ATOSA: variants seen among roughly 807,000 people sequenced by gnomAD.
The protein encoded by ATOSA is atos homolog protein A.
the ATOSA span, among the ~76,000 whole-genome samples, chr15:52,595,237 T>A: frequency 1.3e-5 from 2 of 152,222 alleles, no homozygotes; most frequent in African/African-American, 4.8e-5. Context: ...AGTTTATAAA[T>A]TATTTACTCA....
chr15:52,661,931 C>CAAAAAAAAAAAAAAAAAAA, the ATOSA span, among the ~76,000 whole-genome samples: 1 of 73,258 alleles, frequency 1.4e-5, no homozygotes, highest in Non-Finnish European at 2.3e-5. Flanking sequence ...CAAGCCAGGC[C>CAAAAAAAAAAAAAAAAAAA]AAAAAAAAAA....
chr15:52,696,164 G>C, the ATOSA span, among the ~76,000 whole-genome samples: 3 of 152,126 alleles, frequency 2.0e-5, no homozygotes, highest in Non-Finnish European at 2.9e-5. Flanking sequence ...ACTAATGGTA[G>C]GCTATTCCTG....
At chr15:52,609,949 C>A in the ATOSA span, 1 of 1,612,220 alleles carries the variant, frequency 6.2e-7, no homozygotes, top group Non-Finnish European at 8.5e-7. Context: ...ATCACCTATA[C>A]CACTAAAGCC....
At chr15:52,611,284 T>A in the ATOSA span, 53 of 1,606,264 alleles carry the variant, frequency 3.3e-5, no homozygotes, top group Non-Finnish European at 3.8e-5. Flanking sequence ...ATAATTTAAA[T>A]GTAGGCAAGT....
the ATOSA span, among the ~76,000 whole-genome samples, chr15:52,638,076 T>C: frequency 5.9e-5 from 9 of 152,220 alleles, no homozygotes; most frequent in Non-Finnish European, 8.8e-5. Context: ...CACCACTAAG[T>C]ATATTAGGTA....
At chr15:52,697,769 C>T in the ATOSA span, among the ~76,000 whole-genome samples, 35 of 151,262 alleles carry the variant, frequency 2.3e-4, no homozygotes, top group Non-Finnish European at 4.3e-4. Flanking sequence ...AAAAATTGGG[C>T]AAAGACTTGA....
At chr15:52,699,326 A>G in the ATOSA span, among the ~76,000 whole-genome samples, 1 of 152,032 alleles carries the variant, frequency 6.6e-6, no homozygotes, top group Non-Finnish European at 1.5e-5. Flanking sequence ...AATGTCCTTG[A>G]GGGAGAATAT....
the ATOSA span, among the ~76,000 whole-genome samples, chr15:52,698,415 G>T: frequency 6.6e-6 from 1 of 152,170 alleles, no homozygotes; most frequent in African/African-American, 2.4e-5. Context: ...ATACTTAAAA[G>T]AAATTAGTGC....
the ATOSA span, chr15:52,605,039 TA>T: frequency 1.2e-6 from 1 of 842,212 alleles, no homozygotes; most frequent in Non-Finnish European, 1.8e-6. Flanking sequence ...TAAAGATATT[TA>T]AATTTTTTTC....
At chr15:52,627,477 G>A in the ATOSA span, among the ~76,000 whole-genome samples, 4 of 152,090 alleles carry the variant, frequency 2.6e-5, no homozygotes, top group East Asian at 1.9e-4. Flanking sequence ...AAATATATAA[G>A]CAAAATGAAA....
chr15:52,696,319 C>G, the ATOSA span, among the ~76,000 whole-genome samples: 1 of 152,156 alleles, frequency 6.6e-6, no homozygotes, highest in Non-Finnish European at 1.5e-5. Context: ...CACCTGGATT[C>G]TATTTCCAAA....
chr15:52,658,969 G>A, the ATOSA span, among the ~76,000 whole-genome samples: 131,425 of 151,930 alleles, frequency 0.87, 57,224 homozygotes, highest in East Asian at 1. Flanking sequence ...TGGGCAACAG[G>A]GCAAGAACCT....
the ATOSA span, chr15:52,613,575 T>G: frequency 7.7e-7 from 1 of 1,305,920 alleles, no homozygotes; most frequent in African/African-American, 1.5e-5. Context: ...CAATTTTACA[T>G]TGAAATATGA....
chr15:52,685,667 C>G, the ATOSA span, among the ~76,000 whole-genome samples: 2 of 152,070 alleles, frequency 1.3e-5, no homozygotes, highest in Non-Finnish European at 2.9e-5. Context: ...CTGCTGGGCT[C>G]AAGTGATCTG....
At chr15:52,612,603 C>T in the ATOSA span, among the ~76,000 whole-genome samples, 14 of 149,090 alleles carry the variant, frequency 9.4e-5, no homozygotes, top group South Asian at 4.2e-4. Flanking sequence ...CTCCTGGGTT[C>T]AAGCGAATCT....
At chr15:52,680,765 T>A in the ATOSA span, among the ~76,000 whole-genome samples, 4 of 152,298 alleles carry the variant, frequency 2.6e-5, no homozygotes, top group East Asian at 7.7e-4. Flanking sequence ...ATGGAAACAG[T>A]TCTTTAATCT....
chr15:52,614,376 G>A, the ATOSA span, among the ~76,000 whole-genome samples: 1 of 151,920 alleles, frequency 6.6e-6, no homozygotes, highest in African/African-American at 2.4e-5. Context: ...AATGTGCTGG[G>A]ATTACAGGCA....
chr15:52,625,579 A>G, the ATOSA span, among the ~76,000 whole-genome samples: 14 of 152,282 alleles, frequency 9.2e-5, no homozygotes, highest in African/African-American at 3.4e-4. Flanking sequence ...TTTAAAAGCA[A>G]TTTTCTGAAC....
At chr15:52,662,058 G>A in the ATOSA span, among the ~76,000 whole-genome samples, 5 of 152,154 alleles carry the variant, frequency 3.3e-5, no homozygotes, top group South Asian at 6.2e-4. Context: ...TAGTCAAAGA[G>A]GTTGGTGATT....
Sources: allele counts gnomAD v4.1 joint callset (sites outside exome capture counted in the v4.1 genomes callset), GRCh38; gene constraint gnomAD v4.1.1; transcripts MANE v1.5; gene names NCBI Gene and HGNC (gene_info 2026-07-23, HGNC 2026-07-21).